The following ASTL variants were observed in gnomAD, a reference collection of about 807,000 sequenced individuals.
ASTL encodes the protein astacin-like metalloendopeptidase.
ASTL carries 27 observed loss-of-function variants against 36.7 expected under a neutral mutation model. The observed-to-expected ratio is 0.73, with a 90% CI of 0.54 to 1.01. The LOEUF is 1.01. Ranked by LOEUF, ASTL falls within the 50% of genes least tolerant of loss-of-function variation. The probability of loss-of-function intolerance (pLI) is 0.00; values close to 1 mark genes in which losing one functional copy is unlikely to be tolerated. For missense variants in ASTL, 524 were observed against 572.8 expected (o/e 0.91, Z 0.87); for synonymous variants, 222 against 228.1 (o/e 0.97, Z 0.24).
At position 96,124,005 on chromosome 2, in the gene ASTL, C is replaced by G; in HGVS notation, c.1141G>C (p.Val381Leu). 3 of 1,614,054 alleles carry G rather than the reference C, an allele frequency of 1.9e-6. No individual in the cohort carries two copies. The highest frequency in any genetic ancestry group is 2.5e-6 in the Non-Finnish European group (3 of 1,179,988). The change falls in exon 9 of 9, where the codon GTT (valine) becomes CTT (leucine). Residue 381 changes from valine (V) to leucine (L), a missense_variant. Coordinates refer to ENST00000342380, the MANE Select transcript of ASTL (RefSeq NM_001002036.4). The surrounding 1 kb of genome is among the most constrained non-coding windows in gnomAD (Gnocchi z 4.1). Reference sequence around the variant, plus strand: ...GCCAGCCAGGACTGCTCCTGAGCAACACCGGGGGCACCTGCTCCAGGCCTT... The same window carrying G: ...GCCAGCCAGGACTGCTCCTGAGCAAGACCGGGGGCACCTGCTCCAGGCCTT... ...RSRPGAGAPG[V>L]AQEQSWLAGV...
In ASTL at chr2:96,123,759, CAGT is replaced by C; in HGVS notation, c.*88_*90del. ...GGGGTGGTAGGTTGGGGCTGGAAGACAGTGGTGTGGCCCAAAGGAGCCAAGAGG... is the reference window on the plus strand; with the variant it reads ...GGGGTGGTAGGTTGGGGCTGGAAGACGGTGTGGCCCAAAGGAGCCAAGAGG... On this transcript the variant is annotated 3_prime_UTR_variant, in exon 9 of 9. Transcript: ENST00000342380. 2 of 1,036,378 alleles carry C rather than the reference CAGT, an allele frequency of 1.9e-6. No homozygotes were observed. The highest frequency in any genetic ancestry group is 2.9e-6 in the Non-Finnish European group (2 of 693,482). 64.2% of individuals were successfully genotyped at this position (1,036,378 alleles called of 1,614,324 possible).
intron 3 of ASTL, 104 bp from the exon 4 acceptor site, chr2:96,134,162 G>T: frequency 1.3e-6 from 1 of 748,580 alleles, no homozygotes; most frequent in African/African-American, 1.7e-5. Flanking sequence ...AGATGTGGGA[G>T]TCAGGACCTG....
At position 96,123,379 on chromosome 2, in the gene ASTL, C is replaced by A. The variant is rs1229813683; in HGVS notation, c.*471G>T. 6.6e-6 allele frequency among the ~76,000 whole-genome samples: 1 copy of A among 152,234 alleles called. No individual in the cohort carries two copies. The highest frequency in any genetic ancestry group is 1.5e-5 in the Non-Finnish European group (1 of 68,034). ...TACACTGCTGTAGAACATTCCCCCA[C>A]ACTTGGGCATGTTGGGTGGGATGGG... On this transcript the variant is annotated 3_prime_UTR_variant, in exon 9 of 9. Coordinates refer to ENST00000342380, the MANE Select transcript of ASTL (RefSeq NM_001002036.4).
Position 96,137,614 on chromosome 2 carries a change from G to T in ASTL, c.142C>A (p.Gln48Lys), listed in dbSNP as rs1682328696. 6.2e-7 allele frequency: 1 copy of T among 1,613,890 alleles called. No homozygotes were observed. The highest frequency in any genetic ancestry group is 1.1e-5 in the South Asian group (1 of 91,086). ...FPDGLTPEGT[Q>K]ASGDKDIPAI... is the part of the protein sequence containing the mutation. ...GGAATGTCCTTGTCCCCGGAGGCCTGGGTTCCCTCAGGGGTGAGGCCATCT... is the reference window on the plus strand; with the variant it reads ...GGAATGTCCTTGTCCCCGGAGGCCTTGGTTCCCTCAGGGGTGAGGCCATCT... Residue 48 changes from glutamine to lysine, a missense_variant, in exon 2 of 9, where the codon CAG becomes AAG. Gln to Lys is a moderately conservative substitution (Grantham distance 53). Coordinates refer to ENST00000342380, the MANE Select transcript of ASTL (RefSeq NM_001002036.4).
At chr2:96,133,376 GCTGA>G in intron 5 of ASTL, 45 bp downstream of exon 5, 1 of 1,260,944 alleles carries the variant, frequency 7.9e-7, no homozygotes, top group Non-Finnish European at 1.2e-6. Context: ...TTAATTCCGG[GCTGA>G]ACGCAGAAGC....
At chr2:96,134,130 C>T (rs948174700) in intron 3 of ASTL, 72 bp from the exon 4 acceptor site, 26 of 975,100 alleles carry the variant, frequency 2.7e-5, no homozygotes, top group Non-Finnish European at 3.8e-5. Context: ...GGGTACCACA[C>T]CCCAGGGCAC....
In ASTL at chr2:96,124,159, A is replaced by T; in HGVS notation, c.987T>A (p.Ser329Arg). ...ESRSPDPSGS[S>R]AGGQPVPAGP... ...CTGCAGGAACGGGCTGGCCTCCCGC[A>T]CTGGAACCACTGGGGTCGGGGCTCC... is the stretch of plus-strand genomic sequence containing the variant. The change falls in exon 9 of 9, where the codon AGT becomes AGA. Residue 329 changes from serine to arginine, a missense_variant. Transcript: ENST00000342380. This position sits in a 1 kb window ranked among gnomAD's most constrained non-coding sequence, Gnocchi z 4.1. 1.3e-6 allele frequency: 2 copies of T among 1,554,136 alleles called. No individual in the cohort carries two copies. The highest frequency in any genetic ancestry group is 1.7e-6 in the Non-Finnish European group (2 of 1,150,990).
Position 96,135,078 on chromosome 2 carries a change from A to G in ASTL, c.243+273T>C, listed in dbSNP as rs577259496. Reference sequence around the variant, plus strand: ...GCTGAGCACCTCCCCTGGGCAGGGTACCAAGCTGGGTCAAGTGTTCAAACC... The same window carrying G: ...GCTGAGCACCTCCCCTGGGCAGGGTGCCAAGCTGGGTCAAGTGTTCAAACC... On this transcript the variant is annotated intron_variant, in intron 3 of 8. Coordinates refer to ENST00000342380, the MANE Select transcript of ASTL (RefSeq NM_001002036.4). Among the ~76,000 whole-genome samples the G allele has an allele frequency of 3.3e-5, 5 of 152,334 alleles. No homozygotes were observed. In the East Asian group the frequency reaches 7.7e-4, roughly 24 times the overall value.
At position 96,128,988 on chromosome 2, in the gene ASTL, C is replaced by T. The variant is rs560133347; in HGVS notation, c.874+836G>A. Among the ~76,000 whole-genome samples the T allele has an allele frequency of 5.3e-5, 8 of 151,132 alleles. No homozygotes were observed. In the South Asian group the frequency reaches 1.5e-3, roughly 28 times the overall value. On this transcript the variant is annotated intron_variant, in intron 8 of 8. Transcript: ENST00000342380. ...CTCGGAGGCAGAGACTGCAGTGAGC[C>T]GAGATTGTGCCACTGCACTCCAGCC...
intron 8 of ASTL, among the ~76,000 whole-genome samples, chr2:96,126,915 ATTCC>A (rs1346837648): frequency 1.3e-5 from 2 of 152,194 alleles, no homozygotes; most frequent in Non-Finnish European, 2.9e-5. Flanking sequence ...TAGCAATTCC[ATTCC>A]TAGCTGTATA....
In ASTL at chr2:96,132,661, A is replaced by G. The variant is rs1682206599; in HGVS notation, c.516T>C (p.Cys172=). Residue 172 remains cysteine (C), a synonymous_variant, in exon 6 of 9, where the codon TGT becomes TGC. Coordinates refer to ENST00000342380, the MANE Select transcript of ASTL (RefSeq NM_001002036.4). This position sits in a 1 kb window ranked among gnomAD's most constrained non-coding sequence, Gnocchi z 5.4. The part of the protein sequence containing the change: ...GMQVVSLAPT[C]LQKGRGIVLH... ...GGACAATGCCCCGGCCCTTCTGGAG[A>G]CACGTGGGCGCCAGGGAGACCACCT... The G allele has an allele frequency of 6.2e-7, 1 of 1,613,284 alleles. No individual in the cohort carries two copies. The highest frequency in any genetic ancestry group is 8.5e-7 in the Non-Finnish European group (1 of 1,179,614).
chr2:96,135,918 G>A (rs1000100076), intron 2 of ASTL, among the ~76,000 whole-genome samples: 5 of 152,180 alleles, frequency 3.3e-5, no homozygotes, highest in African/African-American at 1.2e-4. Flanking sequence ...ACACTCCTCA[G>A]AACAGGCCCT....
At chr2:96,136,751 A>C (rs1573917351) in intron 2 of ASTL, among the ~76,000 whole-genome samples, 3 of 152,294 alleles carry the variant, frequency 2.0e-5, no homozygotes, top group African/African-American at 7.2e-5. Context: ...TTGCTCCAAC[A>C]TCTGAACTCC....
Position 96,132,587 on chromosome 2 carries a change from GC to G in ASTL, c.589del (p.Ala197ProfsTer31). On this transcript the variant is annotated frameshift_variant, in exon 6 of 9. Transcript: ENST00000342380. LOFTEE classifies it high-confidence loss of function. This position sits in a 1 kb window ranked among gnomAD's most constrained non-coding sequence, Gnocchi z 5.4. ...VLGFWHEHTR[A>X]DRDRYIRVNW... ...GACACGGATATAGCGGTCCCGGTCG[GC>G]CCGCGTGTGCTCGTGCCAGAAGCCC... 4 of 1,612,144 alleles carry G rather than the reference GC, an allele frequency of 2.5e-6. No individual in the cohort carries two copies. The highest frequency in any genetic ancestry group is 3.4e-6 in the Non-Finnish European group (4 of 1,178,644).
intron 8 of ASTL, among the ~76,000 whole-genome samples, chr2:96,125,664 C>T (rs1366257183): frequency 6.6e-6 from 1 of 152,096 alleles, no homozygotes; most frequent in East Asian, 1.9e-4. Flanking sequence ...CATACAAGGC[C>T]AAGCATGCTG....
chr2:96,131,796 G>A (rs1033800571), intron 6 of ASTL, among the ~76,000 whole-genome samples: 14 of 152,034 alleles, frequency 9.2e-5, no homozygotes, highest in African/African-American at 2.2e-4. Context: ...CTCCACCTGC[G>A]GTAGGCCTTC....
Position 96,132,538 on chromosome 2 carries a change from A to T in ASTL, c.637+2T>A. The T allele has an allele frequency of 6.3e-7, 1 of 1,590,312 alleles. No individual in the cohort carries two copies. The highest frequency in any genetic ancestry group is 1.1e-5 in the South Asian group (1 of 89,996). On this transcript the variant is annotated splice_donor_variant, in intron 6 of 8. Coordinates refer to ENST00000342380, the MANE Select transcript of ASTL (RefSeq NM_001002036.4). LOFTEE classifies it high-confidence loss of function. This position sits in a 1 kb window ranked among gnomAD's most constrained non-coding sequence, Gnocchi z 5.4. ...GCCTGTCCTGCGTGTGGCCTGGCTCACCTGGCAGGATCTCGTTCCAGTTGA... is the reference window on the plus strand; with the variant it reads ...GCCTGTCCTGCGTGTGGCCTGGCTCTCCTGGCAGGATCTCGTTCCAGTTGA...
chr2:96,127,225 C>A (rs1280841682), intron 8 of ASTL, among the ~76,000 whole-genome samples: 2 of 152,090 alleles, frequency 1.3e-5, no homozygotes, highest in Non-Finnish European at 2.9e-5. Context: ...GGGCTGGGGG[C>A]AGAAGCAGGT....
chr2:96,134,502 C>T (rs560485694), intron 3 of ASTL, among the ~76,000 whole-genome samples: 10 of 152,268 alleles, frequency 6.6e-5, no homozygotes, highest in East Asian at 1.9e-4. Flanking sequence ...ACCCTGGCCT[C>T]GGCTGCTTAC....
Sources: allele counts gnomAD v4.1 joint callset (sites outside exome capture counted in the v4.1 genomes callset), GRCh38; gene constraint gnomAD v4.1.1; non-coding constraint Gnocchi (gnomAD v3.1); transcripts MANE v1.5; gene names NCBI Gene and HGNC (gene_info 2026-07-23, HGNC 2026-07-21).